Variants in AKAP19 observed in about 807,000 individuals in gnomAD.
AKAP19 encodes the protein A-kinase anchoring protein 19.
At chr2:190,146,441 G>T in the AKAP19 span, among the ~76,000 whole-genome samples, 8 of 152,184 alleles carry the variant, frequency 5.3e-5, no homozygotes, top group Admixed American at 4.6e-4. Context: ...TTGCTATTGT[G>T]AATTGTGCCG....
chr2:189,969,472 A>G, the AKAP19 span, among the ~76,000 whole-genome samples: 8 of 152,066 alleles, frequency 5.3e-5, no homozygotes, highest in Admixed American at 5.2e-4. Flanking sequence ...CCATTACTAA[A>G]AATGATAAAA....
the AKAP19 span, among the ~76,000 whole-genome samples, chr2:189,976,855 A>G: frequency 6.6e-5 from 10 of 152,062 alleles, no homozygotes; most frequent in African/African-American, 1.7e-4. Context: ...GAGTGACCCA[A>G]TTTTCCCGGT....
the AKAP19 span, among the ~76,000 whole-genome samples, chr2:190,129,545 A>G: frequency 1.3e-5 from 2 of 152,110 alleles, no homozygotes; most frequent in Non-Finnish European, 2.9e-5. Flanking sequence ...GTGTCCACAC[A>G]ATACTGAAAA....
At chr2:190,148,393 C>T in the AKAP19 span, among the ~76,000 whole-genome samples, 2 of 152,168 alleles carry the variant, frequency 1.3e-5, no homozygotes, top group Non-Finnish European at 2.9e-5. Context: ...TGATATGTTG[C>T]TGGATTCAGT....
chr2:190,170,259 T>C, the AKAP19 span, among the ~76,000 whole-genome samples: 7 of 152,178 alleles, frequency 4.6e-5, no homozygotes, highest in African/African-American at 1.4e-4. Context: ...TATGATCACA[T>C]TGGGGATTAG....
chr2:189,936,562 T>C, the AKAP19 span, among the ~76,000 whole-genome samples: 18 of 152,306 alleles, frequency 1.2e-4, no homozygotes, highest in Middle Eastern at 6.8e-3. Context: ...ATTTTAGGCT[T>C]TGCAGGACAA....
the AKAP19 span, among the ~76,000 whole-genome samples, chr2:189,950,979 G>A: frequency 6.6e-6 from 1 of 152,028 alleles, no homozygotes; most frequent in Admixed American, 6.6e-5. Flanking sequence ...CTGGAGGGTT[G>A]GGGTGGGGGT....
the AKAP19 span, among the ~76,000 whole-genome samples, chr2:190,186,584 T>G: frequency 3.3e-5 from 5 of 152,216 alleles, no homozygotes; most frequent in African/African-American, 1.2e-4. This position sits in a 1 kb window ranked among gnomAD's most constrained non-coding sequence, Gnocchi z 5.5. Flanking sequence ...TAGCTTTTCC[T>G]TTTTGGTGAA....
chr2:189,890,374 G>T, the AKAP19 span, among the ~76,000 whole-genome samples: 6 of 152,200 alleles, frequency 3.9e-5, no homozygotes, highest in Non-Finnish European at 5.9e-5. Context: ...GCAATGTGGT[G>T]CTGAGAAGAA....
At chr2:190,115,154 A>AGT in the AKAP19 span, among the ~76,000 whole-genome samples, 41,009 of 130,200 alleles carry the variant, frequency 0.31, 6,818 homozygotes, top group Middle Eastern at 0.41. Context: ...TGTGTGTGTG[A>AGT]GTGTGTGTGT....
the AKAP19 span, among the ~76,000 whole-genome samples, chr2:190,192,140 T>TATA: frequency 4.6e-5 from 7 of 152,162 alleles, no homozygotes; most frequent in Non-Finnish European, 7.4e-5. Context: ...AAGTATAAGG[T>TATA]ATAAGTAGAT....
the AKAP19 span, among the ~76,000 whole-genome samples, chr2:190,126,168 G>A: frequency 6.6e-6 from 1 of 151,232 alleles, no homozygotes; most frequent in African/African-American, 2.4e-5. Context: ...GAGCACACCT[G>A]TAGTCCCAGC....
the AKAP19 span, among the ~76,000 whole-genome samples, chr2:190,058,305 A>G: frequency 1.3e-5 from 2 of 152,064 alleles, no homozygotes; most frequent in African/African-American, 2.4e-5. Flanking sequence ...AATCTGAGGA[A>G]CACAACATAT....
At chr2:189,923,885 A>G in the AKAP19 span, 1 of 1,611,022 alleles carries the variant, frequency 6.2e-7, no homozygotes, top group African/African-American at 1.3e-5. Context: ...TCAGGCCATT[A>G]AGAGGGAGCT....
At chr2:190,194,857 GATT>G in the AKAP19 span, among the ~76,000 whole-genome samples, 3 of 152,028 alleles carry the variant, frequency 2.0e-5, no homozygotes, top group Middle Eastern at 3.4e-3. Flanking sequence ...CCCATGGCTG[GATT>G]ATTATTTTTT....
At chr2:190,020,283 A>G in the AKAP19 span, among the ~76,000 whole-genome samples, 2,491 of 152,348 alleles carry the variant, frequency 0.016, 72 homozygotes, top group African/African-American at 0.057. Context: ...GAGCTTATTC[A>G]TTTATTTTTT....
the AKAP19 span, among the ~76,000 whole-genome samples, chr2:190,066,672 A>G: frequency 1.2e-4 from 19 of 152,346 alleles, no homozygotes; most frequent in East Asian, 3.5e-3. Flanking sequence ...AAAAATTAAC[A>G]AAAACAAAAA....
chr2:189,887,516 A>G, the AKAP19 span, among the ~76,000 whole-genome samples: 1 of 152,186 alleles, frequency 6.6e-6, no homozygotes, highest in East Asian at 1.9e-4. Flanking sequence ...TGCTGGGTCA[A>G]ATGGTATTTC....
the AKAP19 span, among the ~76,000 whole-genome samples, chr2:189,951,979 A>T: frequency 6.6e-6 from 1 of 152,336 alleles, no homozygotes; most frequent in Admixed American, 6.5e-5. Flanking sequence ...CCAAAAGAGA[A>T]CTAAACAAAC....
Sources: allele counts gnomAD v4.1 joint callset (sites outside exome capture counted in the v4.1 genomes callset), GRCh38; gene constraint gnomAD v4.1.1; non-coding constraint Gnocchi (gnomAD v3.1); transcripts MANE v1.5; gene names NCBI Gene and HGNC (gene_info 2026-07-23, HGNC 2026-07-21).